The following MIPEP variants were observed in gnomAD, a reference collection of about 807,000 sequenced individuals.
MIPEP encodes mitochondrial intermediate peptidase.
MIPEP carries 79 observed loss-of-function variants against 90.3 expected under a neutral mutation model. The observed-to-expected ratio is 0.87, with a 90% CI of 0.73 to 1.05. MIPEP has a LOEUF of 1.05. Among genes scored for constraint, MIPEP ranks in the 50% least tolerant of loss-of-function variants. MIPEP has a pLI of 0.00. For missense variants in MIPEP, 940 were observed against 905.6 expected (o/e 1.04, Z -0.49); for synonymous variants, 334 against 315.8 (o/e 1.06, Z -0.61).
intron 2 of MIPEP, among the ~76,000 whole-genome samples, chr13:23,883,133 A>C (rs1160456825): frequency 1.3e-5 from 2 of 152,180 alleles, no homozygotes; most frequent in African/African-American, 4.8e-5. Context: ...AGATAATCTT[A>C]CTGGCAGGTA....
Position 23,841,452 on chromosome 13 carries a change from G to C in MIPEP, c.1143C>G (p.Phe381Leu), listed in dbSNP as rs1245444505. ...NIEPSLYCPF[F>L]SLGACMEGLN... Reference sequence around the variant, plus strand: ...GGCCTTCCATGCATGCTCCAAGAGAGAAAAACGGGCAATATAGGCTGGGCT... The same window carrying C: ...GGCCTTCCATGCATGCTCCAAGAGACAAAAACGGGCAATATAGGCTGGGCT... The change falls in exon 11 of 19, where the codon TTC becomes TTG. Residue 381 changes from phenylalanine (F) to leucine (L), a missense_variant. Transcript: ENST00000382172. 6.2e-7 allele frequency: 1 copy of C among 1,613,678 alleles called. No individual in the cohort carries two copies. The highest frequency in any genetic ancestry group is 8.5e-7 in the Non-Finnish European group (1 of 1,179,902).
At chr13:23,759,615 A>G (rs1025498861) in intron 17 of MIPEP, among the ~76,000 whole-genome samples, 2 of 151,968 alleles carry the variant, frequency 1.3e-5, no homozygotes, top group African/African-American at 4.8e-5. Flanking sequence ...TTTAACCACT[A>G]CCTGGCCTTT....
chr13:23,869,359 CAGA>C lies in MIPEP; in HGVS notation c.873_875del (p.Leu292del). On this transcript the variant is annotated inframe_deletion, in exon 7 of 19. Transcript: ENST00000382172. ...ACGTGGAATACCCCACCAACTTTGC[CAGA>C]AGATCTCTGCTGCTGAGCAATTCTT... 2 of 1,613,592 alleles carry C rather than the reference CAGA, an allele frequency of 1.2e-6. No homozygotes were observed. The highest frequency in any genetic ancestry group is 2.2e-5 in the East Asian group (1 of 44,866).
intron 14 of MIPEP, among the ~76,000 whole-genome samples, chr13:23,814,381 C>T (rs541872766): frequency 1.3e-4 from 20 of 152,262 alleles, no homozygotes; most frequent in African/African-American, 3.6e-4. Flanking sequence ...CTCAGCCTCC[C>T]GAGTAGAGTA....
chr13:23,745,540 C>T (rs902883936), intron 18 of MIPEP, among the ~76,000 whole-genome samples: 2 of 152,122 alleles, frequency 1.3e-5, no homozygotes, highest in African/African-American at 4.8e-5. Flanking sequence ...TACTGGTACT[C>T]CTTCCAAATG....
At chr13:23,884,840 A>G (rs1871407996) in intron 2 of MIPEP, among the ~76,000 whole-genome samples, 1 of 152,218 alleles carries the variant, frequency 6.6e-6, no homozygotes, top group Non-Finnish European at 1.5e-5. Context: ...GTGAGGGAAA[A>G]ACCTATGCAG....
intron 16 of MIPEP, among the ~76,000 whole-genome samples, chr13:23,790,900 G>A (rs963161319): frequency 1.3e-5 from 2 of 152,196 alleles, no homozygotes; most frequent in African/African-American, 4.8e-5. Flanking sequence ...TGATGTTCTT[G>A]GCCCTAACTC....
chr13:23,837,855 G>A (rs192691958), intron 12 of MIPEP, 99 bp from the exon 13 acceptor site: 7 of 829,304 alleles, frequency 8.4e-6, no homozygotes, highest in East Asian at 5.2e-5. Flanking sequence ...AAATGTGTGA[G>A]TGCAAACTTT....
chr13:23,870,438 G>A (rs922353690), intron 5 of MIPEP, among the ~76,000 whole-genome samples: 1 of 151,902 alleles, frequency 6.6e-6, no homozygotes, highest in Admixed American at 6.6e-5. Flanking sequence ...ATGTTTCTAT[G>A]TTTTAAGATT....
At chr13:23,780,797 C>T (rs7324553) in intron 16 of MIPEP, among the ~76,000 whole-genome samples, 76,294 of 151,980 alleles carry the variant, frequency 0.5, 20,602 homozygotes, top group East Asian at 0.79. Context: ...ACAAGAACTA[C>T]GTGACGAATG....
At chr13:23,815,429 A>G (rs1410549843) in intron 14 of MIPEP, among the ~76,000 whole-genome samples, 1 of 151,126 alleles carries the variant, frequency 6.6e-6, no homozygotes, top group Non-Finnish European at 1.5e-5. Context: ...GATACCTCCC[A>G]CCTCAGCTTC....
chr13:23,735,118 GA>G (rs1310685579), intron 18 of MIPEP, among the ~76,000 whole-genome samples: 1 of 152,184 alleles, frequency 6.6e-6, no homozygotes, highest in Non-Finnish European at 1.5e-5. Context: ...GCTAGGGTGG[GA>G]GAGCCAGCTT....
intron 3 of MIPEP, 119 bp downstream of exon 3, chr13:23,881,580 C>T (rs555678070): frequency 2.4e-6 from 2 of 837,914 alleles, no homozygotes; most frequent in African/African-American, 1.7e-5. Flanking sequence ...TGGTCACACA[C>T]ACCTCCCACC....
rs138029678 is a variant in MIPEP, at chr13:23,814,876, T to C, written c.1654-4952A>G. ...AAATTCCTATGATTGCGCTTCACTG[T>C]AGCACAGTAAGGAGCATCAGATAAA... On this transcript the variant is annotated intron_variant, in intron 14 of 18. Coordinates refer to ENST00000382172, the MANE Select transcript of MIPEP (RefSeq NM_005932.4). 4.6e-5 allele frequency among the ~76,000 whole-genome samples: 7 copies of C among 152,344 alleles called. No homozygotes were observed. In the East Asian group the frequency reaches 1.4e-3, roughly 29 times the overall value.
At chr13:23,735,908 A>T (rs909107710) in intron 18 of MIPEP, among the ~76,000 whole-genome samples, 1 of 151,314 alleles carries the variant, frequency 6.6e-6, no homozygotes, top group African/African-American at 2.5e-5. Context: ...AATTTAAAAA[A>T]AAAACAAAAA....
rs1373593181 is a variant in MIPEP, at chr13:23,810,049, A to T, written c.1654-125T>A. The T allele has an allele frequency of 7.5e-6, 4 of 534,320 alleles. No individual in the cohort carries two copies. The East Asian group carries it at 9.4e-5, about 13-fold the overall frequency. The allele number at this position is 534,320 out of a possible 1,614,324, so 33.1% of individuals were successfully genotyped here. On this transcript the variant is annotated intron_variant, in intron 14 of 18. Coordinates refer to ENST00000382172, the MANE Select transcript of MIPEP (RefSeq NM_005932.4). The stretch of plus-strand genomic sequence containing the variant: ...GAGTAATAGAATTTCATTATAGTTT[A>T]AAAATAATAACTTTAAATATTTTAG...
At chr13:23,755,116 C>G (rs979669551) in intron 18 of MIPEP, among the ~76,000 whole-genome samples, 1 of 152,142 alleles carries the variant, frequency 6.6e-6, no homozygotes, top group African/African-American at 2.4e-5. Flanking sequence ...AAAACCATCC[C>G]CAGAGGTGGA....
intron 16 of MIPEP, among the ~76,000 whole-genome samples, chr13:23,799,833 T>C (rs1200111595): frequency 6.6e-6 from 1 of 152,252 alleles, no homozygotes; most frequent in Non-Finnish European, 1.5e-5. Context: ...CTAAAATAAC[T>C]TTTTCATTCT....
At chr13:23,848,552 G>C (rs1053761540) in intron 10 of MIPEP, among the ~76,000 whole-genome samples, 1 of 152,214 alleles carries the variant, frequency 6.6e-6, no homozygotes, top group Admixed American at 6.5e-5. Flanking sequence ...TTGGCTCAAA[G>C]ATGAGGCTGT....
Sources: gnomAD v4.1 joint callset for allele counts (sites outside exome capture counted in the v4.1 genomes callset) on GRCh38, gnomAD v4.1.1 for gene constraint, MANE v1.5 for transcripts, NCBI Gene and HGNC (gene_info 2026-07-23, HGNC 2026-07-21) for gene names.